The following CDK14 variants were observed in gnomAD, a reference collection of about 807,000 sequenced individuals.
CDK14 encodes the protein cyclin dependent kinase 14.
In CDK14, 34 loss-of-function variants were observed where a neutral mutation model predicts 60.7. The ratio of observed to expected loss-of-function variants is 0.56; its 90% CI spans 0.43 to 0.75. The LOEUF is 0.75. Ranked by LOEUF, CDK14 falls within the 30% of genes least tolerant of loss-of-function variation. The probability of loss-of-function intolerance (pLI) is 0.00; values close to 1 mark genes in which losing one functional copy is unlikely to be tolerated. For missense variants in CDK14, 482 were observed against 564.1 expected (o/e 0.85, Z 1.47); for synonymous variants, 197 against 203.7 (o/e 0.97, Z 0.28).
At chr7:91,090,736 G>A (rs954731895) in intron 12 of CDK14, among the ~76,000 whole-genome samples, 1 of 152,110 alleles carries the variant, frequency 6.6e-6, no homozygotes, top group Non-Finnish European at 1.5e-5. Flanking sequence ...ACATCCGAGA[G>A]ATTTTCCATT....
intron 10 of CDK14, among the ~76,000 whole-genome samples, chr7:91,036,696 C>T (rs1349846582): frequency 2.0e-5 from 3 of 151,976 alleles, no homozygotes; most frequent in Non-Finnish European, 4.4e-5. Flanking sequence ...TTTTTTCTAG[C>T]TTACTTTATT....
At position 90,596,733 on chromosome 7, in the gene CDK14, G is replaced by A; in HGVS notation, c.91+15G>A. ...CAGTCGCATTGGTGAGTAGCGCGCT[G>A]CCCCCGGCCCCCCCAGCGCCCGCTC... On this transcript the variant is annotated intron_variant, in intron 1 of 14. Transcript: ENST00000380050. 1.3e-6 allele frequency: 2 copies of A among 1,598,520 alleles called. No individual in the cohort carries two copies. Among genetic ancestry groups the A allele is most frequent in the Non-Finnish European group, 1.7e-6 (2 of 1,168,106 alleles).
At chr7:90,653,879 C>T (rs973225060) in intron 2 of CDK14, among the ~76,000 whole-genome samples, 2 of 152,132 alleles carry the variant, frequency 1.3e-5, no homozygotes, top group African/African-American at 4.8e-5. Flanking sequence ...CAAGTGTTCT[C>T]ATTGTTCAAT....
chr7:90,760,551 A>T (rs1329964191), intron 4 of CDK14, among the ~76,000 whole-genome samples: 1 of 152,186 alleles, frequency 6.6e-6, no homozygotes. Context: ...CTGCTGTAGG[A>T]TGCTCCCGAG....
intron 5 of CDK14, among the ~76,000 whole-genome samples, chr7:90,844,782 G>A (rs1385871796): frequency 6.6e-6 from 1 of 152,140 alleles, no homozygotes; most frequent in African/African-American, 2.4e-5. Context: ...GCAAATCACA[G>A]ATAGCCTTTA....
rs185488059 is a variant in CDK14 at position 90,806,930 on chromosome 7, G to A, written c.544+16278G>A. On this transcript the variant is annotated intron_variant, in intron 5 of 14. Transcript: ENST00000380050. ...CAGCGAGGCTGGGGGAGGGGCACCC[G>A]CCATTGCCCAGGCTTGAGTAGGTAA... Among the ~76,000 whole-genome samples, 219 of 152,312 alleles carry A rather than the reference G, an allele frequency of 1.4e-3. 3 individuals are homozygous for A. In the East Asian group the frequency reaches 0.034, roughly 24 times the overall value.
intron 3 of CDK14, among the ~76,000 whole-genome samples, chr7:90,738,488 C>A (rs1377754758): frequency 6.6e-6 from 1 of 152,194 alleles, no homozygotes; most frequent in Non-Finnish European, 1.5e-5. Context: ...TTTCATTATC[C>A]ATGTCAGTGT....
rs942310765 is a variant in CDK14, at chr7:90,996,118, A to T, written c.1041+11877A>T. Among the ~76,000 whole-genome samples, 6 of 152,278 alleles carry T rather than the reference A, an allele frequency of 3.9e-5. No homozygotes were observed. The East Asian group carries it at 1.2e-3, about 29-fold the overall frequency. ...CAAGGGACCCTCCCTTATAATGAGG[A>T]TATTCATGGCTTTGTGCTACTAGTA... On this transcript the variant is annotated intron_variant, in intron 10 of 14. Coordinates refer to ENST00000380050, the MANE Select transcript of CDK14 (RefSeq NM_001287135.2).
intron 14 of CDK14, among the ~76,000 whole-genome samples, chr7:91,183,733 T>C (rs1802078275): frequency 6.6e-6 from 1 of 152,214 alleles, no homozygotes; most frequent in Non-Finnish European, 1.5e-5. Flanking sequence ...TGTTTTAATT[T>C]CAATACCTGT....
At chr7:90,621,965 G>T (rs983913961) in intron 2 of CDK14, among the ~76,000 whole-genome samples, 2 of 152,118 alleles carry the variant, frequency 1.3e-5, no homozygotes, top group Admixed American at 1.3e-4. Context: ...CTGGATTGTT[G>T]GCCTTTGAAA....
chr7:90,809,506 A>G (rs1451436849), intron 5 of CDK14, among the ~76,000 whole-genome samples: 1 of 152,200 alleles, frequency 6.6e-6, no homozygotes, highest in Non-Finnish European at 1.5e-5. Flanking sequence ...CTAAATGCCC[A>G]CAAGAGAAAG....
At chr7:91,049,335 A>C (rs1376980284) in intron 11 of CDK14, among the ~76,000 whole-genome samples, 33 of 152,198 alleles carry the variant, frequency 2.2e-4, no homozygotes. Flanking sequence ...TAACTGAATA[A>C]GTTTTGCCTT....
chr7:91,158,493 A>G (rs1801060313), intron 14 of CDK14, among the ~76,000 whole-genome samples: 1 of 152,206 alleles, frequency 6.6e-6, no homozygotes, highest in Admixed American at 6.5e-5. Flanking sequence ...CTGAGATTAC[A>G]GGCCAAACAT....
At chr7:91,181,787 C>T (rs1468626778) in intron 14 of CDK14, among the ~76,000 whole-genome samples, 1 of 152,086 alleles carries the variant, frequency 6.6e-6, no homozygotes, top group Non-Finnish European at 1.5e-5. Flanking sequence ...TGACCAGACC[C>T]TAAGAATTTC....
rs59152119 is a variant in CDK14 at position 91,073,955 on chromosome 7, A to G, written c.1106-5477A>G. ...TACAATTGAAAAAGAACAACTAACTATCCAAAATATATATGTACCCAATAC... is the reference window on the plus strand; with the variant it reads ...TACAATTGAAAAAGAACAACTAACTGTCCAAAATATATATGTACCCAATAC... On this transcript the variant is annotated intron_variant, in intron 11 of 14. Coordinates refer to ENST00000380050, the MANE Select transcript of CDK14 (RefSeq NM_001287135.2). Among the ~76,000 whole-genome samples, 1,155 of 152,332 alleles carry G rather than the reference A, an allele frequency of 7.6e-3. 18 individuals are homozygous for G. Among genetic ancestry groups the G allele is most frequent in the African/African-American group, 0.026 (1,094 of 41,578 alleles).
At chr7:90,843,317 T>C (rs533035952) in intron 5 of CDK14, among the ~76,000 whole-genome samples, 1 of 152,306 alleles carries the variant, frequency 6.6e-6, no homozygotes, top group South Asian at 2.1e-4. Flanking sequence ...AAGAAATGCA[T>C]ATTTAAAAGT....
intron 14 of CDK14, among the ~76,000 whole-genome samples, chr7:91,167,985 C>T (rs1312151803): frequency 6.6e-6 from 1 of 152,076 alleles, no homozygotes; most frequent in Non-Finnish European, 1.5e-5. Flanking sequence ...TAATTGGGGC[C>T]GGGCATGTTG....
chr7:91,186,552 T>C (rs888640221), intron 14 of CDK14, among the ~76,000 whole-genome samples: 2 of 151,858 alleles, frequency 1.3e-5, no homozygotes, highest in Non-Finnish European at 2.9e-5. Flanking sequence ...TTATTGTTTA[T>C]GTACAAATTA....
At position 91,149,071 on chromosome 7, in the gene CDK14, C is replaced by T. The variant is rs536660319; in HGVS notation, c.*28+30863C>T. Among the ~76,000 whole-genome samples the T allele has an allele frequency of 2.0e-5, 3 of 152,056 alleles. No individual in the cohort carries two copies. The South Asian group carries it at 6.2e-4, about 32-fold the overall frequency. ...GACTTTTGCTATAAAACAATTTTGC[C>T]CTGTTGAGAAAGGAATCATTGCAAT... On this transcript the variant is annotated intron_variant, in intron 14 of 14. Transcript: ENST00000380050.
Sources: allele counts gnomAD v4.1 joint callset (sites outside exome capture counted in the v4.1 genomes callset), GRCh38; gene constraint gnomAD v4.1.1; transcripts MANE v1.5; gene names NCBI Gene and HGNC (gene_info 2026-07-23, HGNC 2026-07-21).